The following ACTR3C variants were observed in gnomAD, a reference collection of about 807,000 sequenced individuals.
ACTR3C encodes actin related protein 3C.
Under a neutral mutation model 26.3 loss-of-function variants are expected in ACTR3C, and 18 were observed. The ratio of observed to expected loss-of-function variants is 0.68; its 90% CI spans 0.47 to 1.01. The LOEUF (loss-of-function observed/expected upper bound fraction) is 1.01. Ranked by LOEUF, ACTR3C falls within the 50% of genes least tolerant of loss-of-function variation. The pLI is 0.00. For synonymous variants in ACTR3C, 55 were observed against 94.5 expected (o/e 0.58, Z 2.42); for missense variants, 184 against 250.7 (o/e 0.73, Z 1.80).
At chr7:150,052,214 T>TC in the ACTR3C span, among the ~76,000 whole-genome samples, 3 of 150,636 alleles carry the variant, frequency 2.0e-5, no homozygotes, top group African/African-American at 7.3e-5. Flanking sequence ...AGGCATATTC[T>TC]CCACTCTGAA....
Position 150,294,837 on chromosome 7 carries a change from G to A in ACTR3C, c.45+415C>T, listed in dbSNP as rs1771304134. Among the ~76,000 whole-genome samples, 3 of 151,184 alleles carry A rather than the reference G, an allele frequency of 2.0e-5. No homozygotes were observed. The South Asian group carries it at 6.4e-4, about 32-fold the overall frequency. On this transcript the variant is annotated intron_variant, in intron 2 of 7. Coordinates refer to ENST00000683684, the MANE Select transcript of ACTR3C (RefSeq NM_001164458.2). Reference sequence around the variant, plus strand: ...ACCGCAGCTTCAGAACAAGTTCTGCGAGCTCATGAAAACACAGGGTCCCTC... The same window carrying A: ...ACCGCAGCTTCAGAACAAGTTCTGCAAGCTCATGAAAACACAGGGTCCCTC...
the ACTR3C span, among the ~76,000 whole-genome samples, chr7:150,199,739 A>AAAC: frequency 7.2e-6 from 1 of 139,542 alleles, no homozygotes; most frequent in African/African-American, 2.9e-5. Flanking sequence ...AAAAAAAAAA[A>AAAC]AAAAAAAACA....
At chr7:149,915,571 T>C in the ACTR3C span, among the ~76,000 whole-genome samples, 1 of 151,930 alleles carries the variant, frequency 6.6e-6, no homozygotes, top group Non-Finnish European at 1.5e-5. Flanking sequence ...GAAGAGTCAA[T>C]ATTTTTAAAA....
chr7:150,060,353 A>G, the ACTR3C span, among the ~76,000 whole-genome samples: 34 of 150,752 alleles, frequency 2.3e-4, no homozygotes, highest in African/African-American at 8.0e-4. Flanking sequence ...ATCCAGGTGA[A>G]TAAATCAGCA....
the ACTR3C span, among the ~76,000 whole-genome samples, chr7:150,018,616 C>T: frequency 4.7e-5 from 7 of 150,112 alleles, 1 homozygote; most frequent in Non-Finnish European, 1.0e-4. Context: ...CAGGAGTTGG[C>T]TAGATATTTT....
chr7:149,974,569 T>G, the ACTR3C span, among the ~76,000 whole-genome samples: 3 of 152,156 alleles, frequency 2.0e-5, no homozygotes, highest in African/African-American at 7.2e-5. Flanking sequence ...CCACCACCTC[T>G]GATCAGTACA....
the ACTR3C span, among the ~76,000 whole-genome samples, chr7:150,171,358 CT>C: frequency 6.7e-6 from 1 of 150,154 alleles, no homozygotes; most frequent in African/African-American, 2.5e-5. Context: ...AATTATACCC[CT>C]TTAAATAATC....
the ACTR3C span, among the ~76,000 whole-genome samples, chr7:150,208,512 G>A: frequency 0.06 from 9,106 of 151,912 alleles, 877 homozygotes; most frequent in African/African-American, 0.21. Flanking sequence ...CATAGAATAC[G>A]CAAAAGGGCC....
At chr7:150,082,882 G>A in the ACTR3C span, among the ~76,000 whole-genome samples, 2 of 150,966 alleles carry the variant, frequency 1.3e-5, no homozygotes, top group Non-Finnish European at 3.0e-5. Flanking sequence ...CCTAAGTAAG[G>A]ATAAGGTTTT....
the ACTR3C span, among the ~76,000 whole-genome samples, chr7:150,228,527 A>G: frequency 6.6e-6 from 1 of 152,198 alleles, no homozygotes; most frequent in Non-Finnish European, 1.5e-5. Context: ...TCTACATAAG[A>G]GGAAGGCAAA....
At chr7:149,929,255 C>T in the ACTR3C span, among the ~76,000 whole-genome samples, 1,577 of 151,658 alleles carry the variant, frequency 0.01, 30 homozygotes, top group African/African-American at 0.036. Context: ...GATGAAATCC[C>T]GTCTCTACCA....
chr7:150,196,946 C>A, the ACTR3C span, among the ~76,000 whole-genome samples: 1 of 152,172 alleles, frequency 6.6e-6, no homozygotes, highest in Non-Finnish European at 1.5e-5. Flanking sequence ...TGGTTCTGAG[C>A]CTAGAATATA....
the ACTR3C span, among the ~76,000 whole-genome samples, chr7:149,996,016 T>G: frequency 1.4e-4 from 21 of 151,818 alleles, no homozygotes; most frequent in Non-Finnish European, 2.8e-4. Context: ...GTGCGGTATG[T>G]GCAGTCTGTG....
chr7:150,038,387 G>A, the ACTR3C span, among the ~76,000 whole-genome samples: 18 of 142,694 alleles, frequency 1.3e-4, 4 homozygotes, highest in Non-Finnish European at 2.4e-4. Flanking sequence ...TTGTCAGGTC[G>A]GGTGGGCTGC....
intron 6 of ACTR3C, among the ~76,000 whole-genome samples, chr7:150,276,527 A>G (rs4015673): frequency 2.0e-5 from 3 of 152,234 alleles, no homozygotes; most frequent in African/African-American, 4.8e-5. Flanking sequence ...GAACAAATCT[A>G]TGTCTAAAAT....
At chr7:150,036,581 G>C in the ACTR3C span, among the ~76,000 whole-genome samples, 2 of 144,228 alleles carry the variant, frequency 1.4e-5, no homozygotes, top group Non-Finnish European at 1.6e-5. Flanking sequence ...CTCATACAAA[G>C]GCTTGGCTAA....
chr7:149,966,447 A>G, the ACTR3C span, among the ~76,000 whole-genome samples: 1 of 152,246 alleles, frequency 6.6e-6, no homozygotes, highest in Non-Finnish European at 1.5e-5. Context: ...GGTCTTTAAA[A>G]GAGAATTGAG....
At chr7:150,069,930 C>G in the ACTR3C span, among the ~76,000 whole-genome samples, 5 of 152,176 alleles carry the variant, frequency 3.3e-5, no homozygotes, top group East Asian at 1.9e-4. Flanking sequence ...GGGAAGTCCA[C>G]ATGCTGAATC....
At chr7:149,927,712 A>G in the ACTR3C span, among the ~76,000 whole-genome samples, 1 of 151,922 alleles carries the variant, frequency 6.6e-6, no homozygotes, top group Admixed American at 6.6e-5. Flanking sequence ...TGAACAATGA[A>G]AGCAAAACTC....
Sources: allele counts gnomAD v4.1 joint callset (sites outside exome capture counted in the v4.1 genomes callset), GRCh38; gene constraint gnomAD v4.1.1; transcripts MANE v1.5; gene names NCBI Gene and HGNC (gene_info 2026-07-23, HGNC 2026-07-21).